TMEM131: variants seen among roughly 807,000 people sequenced by gnomAD.
TMEM131 encodes the protein transmembrane protein 131.
A neutral mutation model predicts 211.6 loss-of-function variants in TMEM131; 66 were observed. The observed-to-expected ratio is 0.31, with a 90% CI of 0.26 to 0.38. The LOEUF is 0.38. TMEM131 is among the 10% of genes least tolerant of loss of function. The pLI, the probability that TMEM131 is intolerant of heterozygous loss-of-function variation, is 1.00. For synonymous variants in TMEM131, 844 were observed against 841.3 expected (o/e 1.00, Z -0.06); for missense variants, 2,036 against 2,299.3 (o/e 0.89, Z 2.34).
chr2:97,883,946 T>G (rs562734062), intron 4 of TMEM131, among the ~76,000 whole-genome samples: 1 of 152,204 alleles, frequency 6.6e-6, no homozygotes, highest in South Asian at 2.1e-4. Context: ...TTGATCTTAC[T>G]TATTTCCTTC....
intron 3 of TMEM131, among the ~76,000 whole-genome samples, chr2:97,894,569 T>C (rs1313289050): frequency 6.6e-6 from 1 of 152,214 alleles, no homozygotes; most frequent in African/African-American, 2.4e-5. Context: ...GAGCAGTGGT[T>C]TGTAGTTCTT....
rs2104905062 is a variant in TMEM131, at chr2:97,796,923, C to T, written c.2934G>A (p.Arg978=). 6.2e-7 allele frequency: 1 copy of T among 1,613,912 alleles called. No individual in the cohort carries two copies. The highest frequency in any genetic ancestry group is 1.7e-5 in the Admixed American group (1 of 60,020). Residue 978 remains arginine (R), a synonymous_variant, in exon 27 of 41, where the codon AGG becomes AGA. Coordinates refer to ENST00000186436, the MANE Select transcript of TMEM131 (RefSeq NM_015348.2). ...CTGGACCTGGAAGCTTGCCTGCCAC[C>T]CTCAAGTTCTCAGTTGTTCCTTGTC... ...VQGQGTTENL[R]VAGKLPGPGS...
chr2:97,768,164 G>C (rs1573328276), intron 33 of TMEM131, among the ~76,000 whole-genome samples: 1 of 152,122 alleles, frequency 6.6e-6, no homozygotes, highest in East Asian at 1.9e-4. Context: ...AAAGCCAAAG[G>C]GTTTCCGTTA....
chr2:97,877,399 A>G (rs1674743379), intron 4 of TMEM131, among the ~76,000 whole-genome samples: 1 of 152,228 alleles, frequency 6.6e-6, no homozygotes, highest in Non-Finnish European at 1.5e-5. Flanking sequence ...TATTGCCAAG[A>G]CAATCCTGGG....
intron 25 of TMEM131, among the ~76,000 whole-genome samples, chr2:97,801,309 C>T (rs1681025850): frequency 6.6e-6 from 1 of 152,236 alleles, no homozygotes; most frequent in Non-Finnish European, 1.5e-5. Flanking sequence ...AACACACACC[C>T]TTACATTAGG....
intron 31 of TMEM131, among the ~76,000 whole-genome samples, chr2:97,783,436 CA>C (rs1489230853): frequency 6.6e-6 from 1 of 152,002 alleles, no homozygotes; most frequent in Non-Finnish European, 1.5e-5. Context: ...ATGACTGATG[CA>C]AAAATTCAAA....
intron 11 of TMEM131, among the ~76,000 whole-genome samples, chr2:97,820,864 A>G (rs974818726): frequency 1.3e-5 from 2 of 152,080 alleles, no homozygotes; most frequent in Non-Finnish European, 2.9e-5. Flanking sequence ...TAAAAAAAAA[A>G]AAAAGCAGCC....
intron 2 of TMEM131, among the ~76,000 whole-genome samples, chr2:97,924,955 C>T (rs1045126316): frequency 6.6e-5 from 10 of 152,192 alleles, no homozygotes; most frequent in African/African-American, 2.2e-4. Flanking sequence ...TCACAGCTCA[C>T]TGAAGTCTCG....
intron 3 of TMEM131, among the ~76,000 whole-genome samples, chr2:97,905,396 A>G (rs1445988903): frequency 2.0e-5 from 3 of 152,060 alleles, no homozygotes; most frequent in Admixed American, 1.3e-4. Context: ...CGACAACTTG[A>G]ATATTATCTG....
chr2:97,778,527 G>A (rs1361559291), intron 31 of TMEM131, among the ~76,000 whole-genome samples: 2 of 151,872 alleles, frequency 1.3e-5, no homozygotes, highest in African/African-American at 4.8e-5. Flanking sequence ...CTCCAGCCTG[G>A]GTGACAGAGC....
chr2:97,874,377 CACA>C (rs1426508915), intron 4 of TMEM131, among the ~76,000 whole-genome samples: 2 of 152,142 alleles, frequency 1.3e-5, no homozygotes, highest in Non-Finnish European at 2.9e-5. Flanking sequence ...CAGAGAACAG[CACA>C]ACAACACTCC....
At position 97,828,009 on chromosome 2, in the gene TMEM131, T is replaced by C. The variant is rs539408487; in HGVS notation, c.1074+5356A>G. ...TTGATCATGGCTCTCTCTGCCAGAATTGTGTGCACTCTGTAACATCTTTGG... is the reference window on the plus strand; with the variant it reads ...TTGATCATGGCTCTCTCTGCCAGAACTGTGTGCACTCTGTAACATCTTTGG... On this transcript the variant is annotated intron_variant, in intron 11 of 40. Transcript: ENST00000186436. 2.0e-5 allele frequency among the ~76,000 whole-genome samples: 3 copies of C among 152,358 alleles called. No individual in the cohort carries two copies. The South Asian group carries it at 6.2e-4, about 32-fold the overall frequency.
chr2:97,873,439 G>A (rs767971166), intron 4 of TMEM131, among the ~76,000 whole-genome samples: 13 of 152,216 alleles, frequency 8.5e-5, no homozygotes, highest in Admixed American at 5.9e-4. Context: ...CCTGACCGCC[G>A]TGTATCCTCA....
intron 12 of TMEM131, 46 bp from the exon 13 acceptor site, chr2:97,815,353 AAG>A (rs1681771862): frequency 4.8e-6 from 6 of 1,238,748 alleles, no homozygotes; most frequent in Non-Finnish European, 5.6e-6. Context: ...TTTACTACCA[AAG>A]AGAATTAGTG....
chr2:97,759,519 T>C, intron 39 of TMEM131, 133 bp downstream of exon 39: 1 of 750,792 alleles, frequency 1.3e-6, no homozygotes, highest in Admixed American at 2.5e-5. Context: ...GAGGGGACCC[T>C]TCCCAGGGAG....
chr2:97,831,757 C>T (rs780581937), intron 11 of TMEM131, among the ~76,000 whole-genome samples: 1 of 147,714 alleles, frequency 6.8e-6, no homozygotes, highest in Non-Finnish European at 1.5e-5. Flanking sequence ...GCAGCCTCCA[C>T]CTCTGAGGTT....
chr2:97,952,058 G>A (rs955007916), intron 1 of TMEM131, among the ~76,000 whole-genome samples: 25 of 152,154 alleles, frequency 1.6e-4, no homozygotes, highest in African/African-American at 5.8e-4. Flanking sequence ...TTGGGAGACT[G>A]AGGCAGGAGA....
intron 1 of TMEM131, among the ~76,000 whole-genome samples, chr2:97,981,058 A>C (rs75617145): frequency 7.1e-6 from 1 of 141,352 alleles, no homozygotes; most frequent in Non-Finnish European, 1.5e-5. Context: ...AAAAAAAAAA[A>C]AAAAAAAAAG....
chr2:97,958,298 G>C (rs1325830779), intron 1 of TMEM131, among the ~76,000 whole-genome samples: 3 of 152,156 alleles, frequency 2.0e-5, no homozygotes, highest in Non-Finnish European at 4.4e-5. Context: ...AAGTGGCAGA[G>C]ATGAGAGGAC....
Sources: allele counts gnomAD v4.1 joint callset (sites outside exome capture counted in the v4.1 genomes callset), GRCh38; gene constraint gnomAD v4.1.1; transcripts MANE v1.5; gene names NCBI Gene and HGNC (gene_info 2026-07-23, HGNC 2026-07-21).